Variants in FRMD5 observed in about 807,000 individuals in gnomAD.
FRMD5 encodes the protein FERM domain-containing protein 5.
In FRMD5, 20 loss-of-function variants were observed where a neutral mutation model predicts 69.0. The observed-to-expected ratio is 0.29, with a 90% CI of 0.20 to 0.42. The LOEUF is 0.42. FRMD5 is among the 10% of genes least tolerant of loss of function. The pLI is 1.00. For synonymous variants in FRMD5, 271 were observed against 260.1 expected (o/e 1.04, Z -0.40); for missense variants, 595 against 708.6 (o/e 0.84, Z 1.82).
chr15:44,199,427 T>A (rs527289376), upstream of FRMD5, among the ~76,000 whole-genome samples: 1 of 152,258 alleles, frequency 6.6e-6, no homozygotes, highest in Non-Finnish European at 1.5e-5. Flanking sequence ...TTACTCCCAA[T>A]CACTGTGAAG....
At chr15:43,918,350 G>T (rs1312139410) in intron 4 of FRMD5, among the ~76,000 whole-genome samples, 1 of 152,220 alleles carries the variant, frequency 6.6e-6, no homozygotes, top group Non-Finnish European at 1.5e-5. Context: ...CTTGAAACCA[G>T]AAGGTGGAGG....
At chr15:44,116,581 C>G (rs1296544132) in intron 1 of FRMD5, among the ~76,000 whole-genome samples, 1 of 151,984 alleles carries the variant, frequency 6.6e-6, no homozygotes, top group Non-Finnish European at 1.5e-5. Context: ...CATTAACTGG[C>G]TAAAGGGTTA....
chr15:44,044,870 C>A (rs1195080566), intron 1 of FRMD5, among the ~76,000 whole-genome samples: 1 of 152,152 alleles, frequency 6.6e-6, no homozygotes, highest in Non-Finnish European at 1.5e-5. Context: ...ATGTAACAAA[C>A]CTCCACGTTC....
intron 1 of FRMD5, among the ~76,000 whole-genome samples, chr15:43,962,399 TA>T (rs1220283563): frequency 6.6e-6 from 1 of 151,976 alleles, no homozygotes; most frequent in Non-Finnish European, 1.5e-5. Context: ...TTCAATGAAA[TA>T]AAAGAGGACA....
Position 43,924,193 on chromosome 15 carries a change from A to T in FRMD5, c.207+12T>A, listed in dbSNP as rs946404474. ...GCCCTGTCCTCCTTTTGTGCTTTGA[A>T]TATTGACTTACCCGCTGCTTATCTG... On this transcript the variant is annotated intron_variant, in intron 2 of 13. Transcript: ENST00000417257. 1.6e-5 allele frequency: 25 copies of T among 1,591,090 alleles called. No individual in the cohort carries two copies. The highest frequency in any genetic ancestry group is 1.7e-4 in the Middle Eastern group (1 of 6,044).
chr15:44,024,058 G>T (rs933154107), intron 1 of FRMD5, among the ~76,000 whole-genome samples: 1 of 152,074 alleles, frequency 6.6e-6, no homozygotes, highest in Non-Finnish European at 1.5e-5. Context: ...GAACATAAAT[G>T]AAATTTTAAT....
chr15:44,014,016 C>T (rs1467742385), intron 1 of FRMD5, among the ~76,000 whole-genome samples: 2 of 151,940 alleles, frequency 1.3e-5, no homozygotes, highest in Non-Finnish European at 2.9e-5. Flanking sequence ...GCCACCACGC[C>T]CGGCTAATTT....
intron 1 of FRMD5, among the ~76,000 whole-genome samples, chr15:44,165,445 A>C (rs1566980142): frequency 2.0e-5 from 3 of 151,894 alleles, no homozygotes; most frequent in Non-Finnish European, 2.9e-5. Context: ...ATCAATCAAT[A>C]AAATCAACCC....
At chr15:44,197,605 C>T (rs1389638892), upstream of FRMD5, among the ~76,000 whole-genome samples, 3 of 148,380 alleles carry the variant, frequency 2.0e-5, no homozygotes, top group Admixed American at 6.8e-5. Context: ...TTGCTTGAAC[C>T]TGGGAGGCGA....
chr15:44,186,541 G>C (rs890993009), intron 1 of FRMD5, among the ~76,000 whole-genome samples: 5 of 152,242 alleles, frequency 3.3e-5, no homozygotes, highest in African/African-American at 1.2e-4. Context: ...TTCACTGAAA[G>C]TGGCCAGACA....
chr15:44,069,768 T>TG (rs1460610591), intron 1 of FRMD5, among the ~76,000 whole-genome samples: 1 of 152,198 alleles, frequency 6.6e-6, no homozygotes, highest in Non-Finnish European at 1.5e-5. Context: ...ACTATGATAT[T>TG]GTGCTGCAGT....
intron 1 of FRMD5, among the ~76,000 whole-genome samples, chr15:44,192,143 A>C (rs955534032): frequency 7.2e-5 from 11 of 152,050 alleles, no homozygotes; most frequent in Non-Finnish European, 1.6e-4. Flanking sequence ...GTGAAAGAAT[A>C]GTCTGGTAAC....
intron 1 of FRMD5, among the ~76,000 whole-genome samples, chr15:44,071,164 G>A (rs1893522392): frequency 6.6e-6 from 1 of 152,132 alleles, no homozygotes; most frequent in Non-Finnish European, 1.5e-5. Context: ...TCTTTGCCCA[G>A]TTATTCTGAT....
chr15:44,191,594 T>C (rs2140614235), intron 1 of FRMD5, among the ~76,000 whole-genome samples: 1 of 151,572 alleles, frequency 6.6e-6, no homozygotes, highest in Admixed American at 6.6e-5. Flanking sequence ...TCAAAAATAA[T>C]AATAATAATA....
chr15:43,892,297 G>T (rs768773780), intron 7 of FRMD5, among the ~76,000 whole-genome samples: 3 of 152,226 alleles, frequency 2.0e-5, no homozygotes, highest in Non-Finnish European at 4.4e-5. Flanking sequence ...TGATCTGTAA[G>T]TTGTAGGTTA....
chr15:44,013,857 C>CTTTTTTTCTT (rs1555394282), intron 1 of FRMD5, among the ~76,000 whole-genome samples: 1 of 131,600 alleles, frequency 7.6e-6, no homozygotes, highest in African/African-American at 2.8e-5. Context: ...GAGACACCTT[C>CTTTTTTTCTT]TTTTTTTTTT....
chr15:44,181,204 T>G (rs1476365799), intron 1 of FRMD5, among the ~76,000 whole-genome samples: 1 of 150,920 alleles, frequency 6.6e-6, no homozygotes, highest in African/African-American at 2.4e-5. Flanking sequence ...CACACCTAAT[T>G]TTTTTTTTTA....
intron 1 of FRMD5, among the ~76,000 whole-genome samples, chr15:43,978,421 AG>A (rs760467458): frequency 6.6e-6 from 1 of 152,204 alleles, no homozygotes; most frequent in Non-Finnish European, 1.5e-5. Flanking sequence ...GTTACTAATC[AG>A]GGAAAGAAGG....
At chr15:43,922,433 G>A (rs1333830447) in intron 2 of FRMD5, among the ~76,000 whole-genome samples, 2 of 152,174 alleles carry the variant, frequency 1.3e-5, no homozygotes, top group African/African-American at 2.4e-5. Flanking sequence ...TGTGTGCAGC[G>A]CAGAGCCTGG....
Sources: allele counts gnomAD v4.1 joint callset (sites outside exome capture counted in the v4.1 genomes callset), GRCh38; gene constraint gnomAD v4.1.1; transcripts MANE v1.5; gene names NCBI Gene and HGNC (gene_info 2026-07-23, HGNC 2026-07-21).